Variants in TENT4A observed in about 807,000 individuals in gnomAD.
TENT4A encodes terminal nucleotidyltransferase 4A.
TENT4A carries 7 observed loss-of-function variants against 72.8 expected under a neutral mutation model. That is an observed-to-expected ratio of 0.10 (90% confidence interval 0.05 to 0.18). The LOEUF is 0.18. Among genes scored for constraint, TENT4A ranks in the 10% least tolerant of loss-of-function variants. The pLI, the probability that TENT4A is intolerant of heterozygous loss-of-function variation, is 1.00. For missense variants in TENT4A, 831 were observed against 1,017.7 expected (o/e 0.82, Z 2.50); for synonymous variants, 456 against 434.3 (o/e 1.05, Z -0.62).
At chr5:6,729,661 A>G (rs539684384) in intron 1 of TENT4A, among the ~76,000 whole-genome samples, 1 of 152,344 alleles carries the variant, frequency 6.6e-6, no homozygotes, top group Admixed American at 6.5e-5. Flanking sequence ...TGGCTCAGGA[A>G]GTGCCTTCTT....
intron 1 of TENT4A, among the ~76,000 whole-genome samples, chr5:6,727,611 C>T (rs552285770): frequency 6.6e-6 from 1 of 152,208 alleles, no homozygotes; most frequent in African/African-American, 2.4e-5. Context: ...CTTGTCTTTC[C>T]GTAACTGGCT....
intron 1 of TENT4A, chr5:6,715,048 T>A (rs2126588181): frequency 6.0e-6 from 1 of 165,446 alleles, no homozygotes; most frequent in Non-Finnish European, 1.3e-5. Context: ...GGGGCGTAGA[T>A]AAGTGTGGAG....
At chr5:6,720,679 TAAATAAATA>T (rs1354628374) in intron 1 of TENT4A, among the ~76,000 whole-genome samples, 1 of 44,866 alleles carries the variant, frequency 2.2e-5, no homozygotes, top group Non-Finnish European at 5.2e-5. Context: ...TGTCTCAAAA[TAAATAAATA>T]AATAAATAAA....
Position 6,750,844 on chromosome 5 carries a change from A to T in TENT4A, c.1861-195A>T, listed in dbSNP as rs1223207030. On this transcript the variant is annotated intron_variant, in intron 10 of 12. Transcript: ENST00000230859. Reference sequence around the variant, plus strand: ...GTATCTCTTCTGTATTTCCTTTAACATTCTTTTTCAGTTGTGATGAAATTA... The same window carrying T: ...GTATCTCTTCTGTATTTCCTTTAACTTTCTTTTTCAGTTGTGATGAAATTA... 4 of 597,622 alleles carry T rather than the reference A, an allele frequency of 6.7e-6. No individual in the cohort carries two copies. The East Asian group carries it at 1.1e-4, about 16-fold the overall frequency. The allele number at this position is 597,622 out of a possible 1,614,324, so 37.0% of individuals were successfully genotyped here. A position where few individuals can be genotyped will look rare whatever the true frequency, so the allele number is the denominator to read the frequency against.
intron 8 of TENT4A, 54 bp downstream of exon 8, chr5:6,748,644 A>G: frequency 2.6e-6 from 4 of 1,555,998 alleles, no homozygotes; most frequent in East Asian, 2.3e-5. Context: ...GATGGTACTT[A>G]TCCCTTTCCT....
In TENT4A at chr5:6,749,681, T is replaced by A. The variant is rs376748138; in HGVS notation, c.1687+24T>A. 19 of 1,465,670 alleles carry A rather than the reference T, an allele frequency of 1.3e-5. No individual in the cohort carries two copies. In the Admixed American group the frequency reaches 2.5e-4, roughly 19 times the overall value. The allele number at this position is 1,465,670 out of a possible 1,614,324, so 90.8% of individuals were successfully genotyped here. On this transcript the variant is annotated intron_variant, in intron 9 of 12. Transcript: ENST00000230859. ...GGGTGAGAGATTAATTCATTTGTGT[T>A]CATCCTAACCACTGGCTGGCATGTT...
At chr5:6,744,468 T>C (rs1313747043) in intron 6 of TENT4A, among the ~76,000 whole-genome samples, 4 of 152,250 alleles carry the variant, frequency 2.6e-5, no homozygotes, top group Admixed American at 2.0e-4. Flanking sequence ...TGAAGAATTC[T>C]GTCCTTTACA....
chr5:6,738,766 G>C, intron 3 of TENT4A, 37 bp downstream of exon 3: 2 of 1,488,162 alleles, frequency 1.3e-6, no homozygotes, highest in Non-Finnish European at 1.9e-6. Flanking sequence ...CTAGTGGGGG[G>C]CTGGGATGGT....
intron 1 of TENT4A, among the ~76,000 whole-genome samples, chr5:6,725,192 G>A (rs1330631174): frequency 6.6e-6 from 1 of 152,110 alleles, no homozygotes; most frequent in African/African-American, 2.4e-5. Context: ...GTGATGGCAC[G>A]CACCTGTAGT....
chr5:6,717,331 A>G (rs556530267), intron 1 of TENT4A, among the ~76,000 whole-genome samples: 1 of 152,384 alleles, frequency 6.6e-6, no homozygotes, highest in East Asian at 1.9e-4. Flanking sequence ...TAGTCCCAGG[A>G]CATGCACTTC....
chr5:6,727,089 T>G (rs1213007237), intron 1 of TENT4A, among the ~76,000 whole-genome samples: 1 of 152,148 alleles, frequency 6.6e-6, no homozygotes, highest in African/African-American at 2.4e-5. Flanking sequence ...ACCCTGTGCT[T>G]TCTCGATGTG....
In TENT4A at chr5:6,736,564, A is replaced by C. The variant is rs114376945; in HGVS notation, c.717-946A>C. ...GGATAATTTGCCTTCCCCTCTCTCC[A>C]TCTTTAATTAATCCCTTAAAGGAAA... On this transcript the variant is annotated intron_variant, in intron 1 of 12. Coordinates refer to ENST00000230859, the MANE Select transcript of TENT4A (RefSeq NM_006999.6). Among the ~76,000 whole-genome samples, 261 of 152,312 alleles carry C rather than the reference A, an allele frequency of 1.7e-3. 1 individual carries two copies. The highest frequency in any genetic ancestry group is 6.0e-3 in the African/African-American group (248 of 41,568).
intron 3 of TENT4A, among the ~76,000 whole-genome samples, chr5:6,739,199 T>C (rs896179890): frequency 3.3e-5 from 5 of 152,370 alleles, no homozygotes; most frequent in Admixed American, 2.6e-4. Flanking sequence ...GGATTCTTGA[T>C]AGCCAAATAA....
intron 4 of TENT4A, 24 bp from the exon 5 acceptor site, chr5:6,742,466 G>GT: frequency 1.3e-6 from 2 of 1,483,868 alleles, no homozygotes; most frequent in East Asian, 2.3e-5. Flanking sequence ...TGTTAAAGCA[G>GT]TTTTTAAAAT....
At chr5:6,740,167 GGACACT>G (rs1374904808) in intron 4 of TENT4A, among the ~76,000 whole-genome samples, 16 of 152,108 alleles carry the variant, frequency 1.1e-4, no homozygotes, top group African/African-American at 3.9e-4. Context: ...ATCTGAAACC[GGACACT>G]GACATTCAGG....
chr5:6,752,497 G>A (rs922312485), intron 11 of TENT4A, among the ~76,000 whole-genome samples: 9 of 152,220 alleles, frequency 5.9e-5, no homozygotes, highest in Admixed American at 2.6e-4. Context: ...GCCGTCCCAC[G>A]GCCTCTCAGG....
At position 6,756,404 on chromosome 5, in the gene TENT4A, G is replaced by A. The variant is rs938371998; in HGVS notation, c.*1459G>A. 6.6e-6 allele frequency: 1 copy of A among 152,624 alleles called. No individual in the cohort carries two copies. The highest frequency in any genetic ancestry group is 1.5e-5 in the Non-Finnish European group (1 of 68,048). The allele number at this position is 152,624 out of a possible 1,614,324, so 9.5% of individuals were successfully genotyped here. A position where few individuals can be genotyped will look rare whatever the true frequency, so the allele number is the denominator to read the frequency against. On this transcript the variant is annotated 3_prime_UTR_variant, in exon 13 of 13. Coordinates refer to ENST00000230859, the MANE Select transcript of TENT4A (RefSeq NM_006999.6). ...GTAGGTTGGTCTTTGAAGTCCACTA[G>A]TGGAGAATGTCAAGACAAGATACTT...
chr5:6,724,224 G>GCTCT (rs1740794516), intron 1 of TENT4A, among the ~76,000 whole-genome samples: 1 of 152,202 alleles, frequency 6.6e-6, no homozygotes, highest in Non-Finnish European at 1.5e-5. Context: ...CCACAGAGAG[G>GCTCT]GCACTGGTAT....
At chr5:6,752,823 T>G in intron 11 of TENT4A, 50 bp from the exon 12 acceptor site, 1 of 1,571,380 alleles carries the variant, frequency 6.4e-7, no homozygotes, top group Non-Finnish European at 8.7e-7. Flanking sequence ...GCCGGATGGT[T>G]TTCCTCTGAT....
Sources: gnomAD v4.1 joint callset for allele counts (sites outside exome capture counted in the v4.1 genomes callset) on GRCh38, gnomAD v4.1.1 for gene constraint, MANE v1.5 for transcripts, NCBI Gene and HGNC (gene_info 2026-07-23, HGNC 2026-07-21) for gene names.